The following DIAPH1 variants were observed in gnomAD, a reference collection of about 807,000 sequenced individuals.
The protein encoded by DIAPH1 is diaphanous related formin 1.
In DIAPH1, 46 loss-of-function variants were observed where a neutral mutation model predicts 140.7. That is an observed-to-expected ratio of 0.33 (90% CI 0.26 to 0.42). DIAPH1 has a LOEUF of 0.42. Ranked by LOEUF, DIAPH1 falls within the 10% of genes least tolerant of loss-of-function variation. The pLI, the probability that DIAPH1 is intolerant of heterozygous loss-of-function variation, is 1.00. For missense variants in DIAPH1, 1,310 were observed against 1,558.7 expected (o/e 0.84, Z 2.69); for synonymous variants, 565 against 551.6 (o/e 1.02, Z -0.34).
chr5:141,549,409 T>A (rs1301589538), intron 18 of DIAPH1, among the ~76,000 whole-genome samples: 1 of 151,936 alleles, frequency 6.6e-6, no homozygotes, highest in African/African-American at 2.4e-5. Flanking sequence ...AAAAATTGAG[T>A]GAACTAAAGG....
intron 1 of DIAPH1, among the ~76,000 whole-genome samples, chr5:141,589,553 C>A (rs1313911515): frequency 7.6e-6 from 1 of 132,346 alleles, no homozygotes; most frequent in Admixed American, 9.3e-5. Flanking sequence ...ACATTCAGTT[C>A]AAAAACATGT....
At chr5:141,563,052 C>A (rs938577991) in intron 18 of DIAPH1, 5 of 152,264 alleles carry the variant, frequency 3.3e-5, no homozygotes, top group African/African-American at 1.2e-4. Flanking sequence ...ATCTTGATTT[C>A]TATCTCCTCC....
At chr5:141,615,437 G>GAAA (rs1013629826) in intron 1 of DIAPH1, among the ~76,000 whole-genome samples, 128 of 46,302 alleles carry the variant, frequency 2.8e-3, no homozygotes, top group African/African-American at 9.4e-3. Flanking sequence ...CTCAGAAAAA[G>GAAA]AAAAAAAAAA....
chr5:141,540,802 A>C (rs1448688212), intron 18 of DIAPH1, among the ~76,000 whole-genome samples: 1 of 151,682 alleles, frequency 6.6e-6, no homozygotes, highest in Admixed American at 6.6e-5. Flanking sequence ...GCTCACGCCT[A>C]TAATCCCAGC....
chr5:141,549,570 A>C (rs1397345758), intron 18 of DIAPH1, among the ~76,000 whole-genome samples: 1 of 152,124 alleles, frequency 6.6e-6, no homozygotes, highest in African/African-American at 2.4e-5. Flanking sequence ...GTACCCAATA[A>C]TACTAACATA....
At chr5:141,602,707 T>C (rs1383749172) in intron 1 of DIAPH1, among the ~76,000 whole-genome samples, 2 of 152,194 alleles carry the variant, frequency 1.3e-5, no homozygotes, top group Non-Finnish European at 1.5e-5. Flanking sequence ...AAATAATATA[T>C]GATGGAACCA....
chr5:141,579,317 T>C (rs2154596470), intron 8 of DIAPH1, 121 bp from the exon 9 acceptor site: 1 of 825,448 alleles, frequency 1.2e-6, no homozygotes, highest in East Asian at 2.4e-5. Context: ...GTGTTCCGGA[T>C]TTCTCACATT....
intron 27 of DIAPH1, among the ~76,000 whole-genome samples, chr5:141,523,397 T>C (rs2099886841): frequency 6.6e-6 from 1 of 152,220 alleles, no homozygotes; most frequent in African/African-American, 2.4e-5. Flanking sequence ...AATTAGTCTC[T>C]TGGCCACTGT....
intron 18 of DIAPH1, among the ~76,000 whole-genome samples, chr5:141,551,106 G>A (rs1016898928): frequency 6.6e-6 from 1 of 152,188 alleles, no homozygotes; most frequent in South Asian, 2.1e-4. Flanking sequence ...TTGCACTTAT[G>A]TTAATTTTCT....
At position 141,594,698 on chromosome 5, in the gene DIAPH1, G is replaced by A. The variant is rs547367611; in HGVS notation, c.118-6448C>T. Among the ~76,000 whole-genome samples the A allele has an allele frequency of 5.5e-5, 8 of 144,426 alleles. No individual in the cohort carries two copies. In the East Asian group the frequency reaches 1.3e-3, roughly 23 times the overall value. The allele number at this position is 144,426 out of a possible 152,430, so 94.7% of individuals were successfully genotyped here. Reference sequence around the variant, plus strand: ...GCAGAGGTTGCAGTGAGCCAAGATCGAGCCACTGCACTCCAGCCTGGGTGA... The same window carrying A: ...GCAGAGGTTGCAGTGAGCCAAGATCAAGCCACTGCACTCCAGCCTGGGTGA... On this transcript the variant is annotated intron_variant, in intron 1 of 27. Coordinates refer to ENST00000389054, the MANE Select transcript of DIAPH1 (RefSeq NM_005219.5).
intron 13 of DIAPH1, 66 bp from the exon 14 acceptor site, chr5:141,576,360 C>A: frequency 8.3e-7 from 1 of 1,208,862 alleles, no homozygotes; most frequent in East Asian, 2.3e-5. Context: ...TCACACTACA[C>A]CCTTCCAAAG....
At chr5:141,587,676 A>G (rs1323122170) in intron 2 of DIAPH1, among the ~76,000 whole-genome samples, 1 of 152,248 alleles carries the variant, frequency 6.6e-6, no homozygotes, top group African/African-American at 2.4e-5. Context: ...TAAAGTCAGG[A>G]TTCATTCCTT....
chr5:141,518,792 G>A (rs1163494008), intron 27 of DIAPH1: 5 of 738,054 alleles, frequency 6.8e-6, no homozygotes, highest in Non-Finnish European at 1.2e-5. Flanking sequence ...AAAGTTCTGG[G>A]ATTACAAGCA....
intron 27 of DIAPH1, chr5:141,518,981 G>A: frequency 6.4e-7 from 1 of 1,550,558 alleles, no homozygotes; most frequent in South Asian, 1.2e-5. Flanking sequence ...TACTTCCCAG[G>A]GGCACAAGAG....
At chr5:141,564,056 A>C (rs1347510297) in intron 18 of DIAPH1, 1 of 152,104 alleles carries the variant, frequency 6.6e-6, no homozygotes, top group East Asian at 1.9e-4. Context: ...TAAAATACAA[A>C]CCTCTCTTTG....
At chr5:141,551,887 G>C (rs1250108942) in intron 18 of DIAPH1, among the ~76,000 whole-genome samples, 2 of 152,084 alleles carry the variant, frequency 1.3e-5, no homozygotes, top group Admixed American at 1.3e-4. Flanking sequence ...ATAATATTTG[G>C]CAATATTCTG....
intron 18 of DIAPH1, among the ~76,000 whole-genome samples, chr5:141,535,609 G>A (rs149019627): frequency 0.011 from 1,728 of 152,242 alleles, 25 homozygotes; most frequent in African/African-American, 0.028. Context: ...GTATTTCATT[G>A]TATCACTCCC....
At chr5:141,559,247 C>T (rs2099893149) in intron 18 of DIAPH1, among the ~76,000 whole-genome samples, 1 of 152,128 alleles carries the variant, frequency 6.6e-6, no homozygotes, top group Non-Finnish European at 1.5e-5. Context: ...TTGTAATATA[C>T]ATAAGGGATA....
intron 1 of DIAPH1, among the ~76,000 whole-genome samples, chr5:141,609,168 C>CAAAAAAA (rs11405338): frequency 5.9e-5 from 5 of 84,382 alleles, no homozygotes; most frequent in African/African-American, 4.4e-5. Flanking sequence ...TTACTAAATG[C>CAAAAAAA]AAAAAAAAAA....
Sources: gnomAD v4.1 joint callset for allele counts (sites outside exome capture counted in the v4.1 genomes callset) on GRCh38, gnomAD v4.1.1 for gene constraint, MANE v1.5 for transcripts, NCBI Gene and HGNC (gene_info 2026-07-23, HGNC 2026-07-21) for gene names.